KCNQ1: variants seen among roughly 807,000 people sequenced by gnomAD.
KCNQ1 encodes potassium voltage-gated channel subfamily KQT member 1.
In KCNQ1, 49 loss-of-function variants were observed where a neutral mutation model predicts 72.4. That is an observed-to-expected ratio of 0.68 (90% confidence interval 0.54 to 0.86). The LOEUF is 0.86. Among genes scored for constraint, KCNQ1 ranks in the 40% least tolerant of loss-of-function variants. The pLI is 0.00. For missense variants in KCNQ1, 790 were observed against 945.1 expected (o/e 0.84, Z 2.15); for synonymous variants, 450 against 412.6 (o/e 1.09, Z -1.10).
rs1177121708 is a variant in KCNQ1, at chr11:2,620,492, A to T, written c.1393+31638A>T. On this transcript the variant is annotated intron_variant, in intron 10 of 15. Transcript: ENST00000155840. This position sits in a 1 kb window ranked among gnomAD's most constrained non-coding sequence, Gnocchi z 4.5. ...TGGCCTCCCAAAGTGCTGGGATTAC[A>T]GGTGAGAGCTACCGCACCTGGCCGA... 4 of 360,368 alleles carry T rather than the reference A, an allele frequency of 1.1e-5. No homozygotes were observed. Among genetic ancestry groups the T allele is most frequent in the Non-Finnish European group, 1.5e-5 (3 of 202,968 alleles). 22.3% of individuals were successfully genotyped at this position (360,368 alleles called of 1,614,324 possible). A position where few individuals can be genotyped will look rare whatever the true frequency, so the allele number is the denominator to read the frequency against.
intron 11 of KCNQ1, among the ~76,000 whole-genome samples, chr11:2,757,355 G>C (rs115171868): frequency 6.6e-6 from 1 of 152,030 alleles, no homozygotes; most frequent in Non-Finnish European, 1.5e-5. Context: ...AAATACTTAG[G>C]TATAAATTTA....
At position 2,645,209 on chromosome 11, in the gene KCNQ1, C is replaced by T; in HGVS notation, c.1394-16752C>T. ...GCTGGGATAAGCTGGATGAGCTTGT[C>T]CCAAGGCCCACAGGTGGCAAATTCA... On this transcript the variant is annotated intron_variant, in intron 10 of 15. Transcript: ENST00000155840. The surrounding 1 kb of genome is among the most constrained non-coding windows in gnomAD (Gnocchi z 5.8). 5.0e-6 allele frequency: 2 copies of T among 398,614 alleles called. No homozygotes were observed. Among genetic ancestry groups the T allele is most frequent in the Non-Finnish European group, 8.8e-6 (2 of 226,114 alleles). 24.7% of individuals were successfully genotyped at this position (398,614 alleles called of 1,614,324 possible).
In KCNQ1 at chr11:2,803,932, G is replaced by C. The variant is rs536442426; in HGVS notation, c.1794+25895G>C. ...TGCCACCTGCTCCAGCCACCTGGCA[G>C]ATCCCACTCGGCTCACACAGAGCCT... is the stretch of plus-strand genomic sequence containing the variant. On this transcript the variant is annotated intron_variant, in intron 15 of 15. Transcript: ENST00000155840. This position sits in a 1 kb window ranked among gnomAD's most constrained non-coding sequence, Gnocchi z 6.4. Among the ~76,000 whole-genome samples the C allele has an allele frequency of 7.2e-5, 11 of 152,258 alleles. No individual in the cohort carries two copies. In the East Asian group the frequency reaches 2.1e-3, roughly 29 times the overall value.
In KCNQ1 at chr11:2,491,041, A is replaced by G. The variant is rs769721681; in HGVS notation, c.387-36887A>G. Among the ~76,000 whole-genome samples, 1 of 152,220 alleles carries G rather than the reference A, an allele frequency of 6.6e-6. No homozygotes were observed. The highest frequency in any genetic ancestry group is 2.4e-5 in the African/African-American group (1 of 41,460). ...ATTTTTATGAGTCTGCAAGAACCAC[A>G]GTGTTACTGGGCTTGGGATGCTGCC... is the stretch of plus-strand genomic sequence containing the variant. On this transcript the variant is annotated intron_variant, in intron 1 of 15. Coordinates refer to ENST00000155840, the MANE Select transcript of KCNQ1 (RefSeq NM_000218.3). This position sits in a 1 kb window ranked among gnomAD's most constrained non-coding sequence, Gnocchi z 4.1.
chr11:2,559,701 C>A lies in KCNQ1; in HGVS notation c.478-10927C>A, dbSNP rs927752944. On this transcript the variant is annotated intron_variant, in intron 2 of 15. Transcript: ENST00000155840. The surrounding 1 kb of genome is among the most constrained non-coding windows in gnomAD (Gnocchi z 4.9). ...TGGAGGGAAAGCGGCCTCGTGCCTC[C>A]CAGAGTCACCCCGAAATCATTAACG... 3.9e-5 allele frequency among the ~76,000 whole-genome samples: 6 copies of A among 152,144 alleles called. No homozygotes were observed. The highest frequency in any genetic ancestry group is 1.4e-4 in the African/African-American group (6 of 41,418).
At position 2,768,933 on chromosome 11, in the gene KCNQ1, T is replaced by C. The variant is rs11024034; in HGVS notation, c.1590+14T>C. 162,009 of 1,605,040 alleles carry C rather than the reference T, an allele frequency of 0.1. 9,080 individuals are homozygous for C. The highest frequency in any genetic ancestry group is 0.13 in the Middle Eastern group (743 of 5,848). On this transcript the variant is annotated intron_variant, in intron 12 of 15. Coordinates refer to ENST00000155840, the MANE Select transcript of KCNQ1 (RefSeq NM_000218.3). This position sits in a 1 kb window ranked among gnomAD's most constrained non-coding sequence, Gnocchi z 6.7. Reference sequence around the variant, plus strand: ...AAGAAATTCCAGGTAAGCCCTGTGCTGAGCCTTCCTGCCCTCAGCCTGCCC... The same window carrying C: ...AAGAAATTCCAGGTAAGCCCTGTGCCGAGCCTTCCTGCCCTCAGCCTGCCC...
rs531414733 is a variant in KCNQ1 at position 2,781,028 on chromosome 11, G to A, written c.1794+2991G>A. 6.1e-4 allele frequency among the ~76,000 whole-genome samples: 93 copies of A among 152,134 alleles called. No individual in the cohort carries two copies. Among genetic ancestry groups the A allele is most frequent in the Non-Finnish European group, 1.0e-3 (69 of 67,986 alleles). On this transcript the variant is annotated intron_variant, in intron 15 of 15. Coordinates refer to ENST00000155840, the MANE Select transcript of KCNQ1 (RefSeq NM_000218.3). The surrounding 1 kb of genome is among the most constrained non-coding windows in gnomAD (Gnocchi z 6.6). ...GGAGAGCAGAAACCCACCCACACCC[G>A]CAGATCCAGGGGCCTCCTCACAGCG...
At chr11:2,756,441 T>TAAAAAAAAAAAAA (rs59499292) in intron 11 of KCNQ1, among the ~76,000 whole-genome samples, 4 of 137,244 alleles carry the variant, frequency 2.9e-5, no homozygotes, top group Non-Finnish European at 3.2e-5. Context: ...TTACTAAAAT[T>TAAAAAAAAAAAAA]AAAAAAAAAA....
chr11:2,642,000 C>A (rs1242351101), intron 10 of KCNQ1: 1 of 398,342 alleles, frequency 2.5e-6, no homozygotes. Context: ...AGTTTTTATT[C>A]CAATACCATG....
At chr11:2,773,758 T>C (rs56182401) in intron 12 of KCNQ1, among the ~76,000 whole-genome samples, 22,372 of 142,934 alleles carry the variant, frequency 0.16, 1,726 homozygotes, top group Middle Eastern at 0.21. Flanking sequence ...TATCCCATCT[T>C]ACAGAAAGGA....
rs1302884118 is a variant in KCNQ1 at position 2,703,308 on chromosome 11, C to T, written c.1514+41227C>T. Among the ~76,000 whole-genome samples, 1 of 152,186 alleles carries T rather than the reference C, an allele frequency of 6.6e-6. No individual in the cohort carries two copies. The highest frequency in any genetic ancestry group is 1.5e-5 in the Non-Finnish European group (1 of 68,040). On this transcript the variant is annotated intron_variant, in intron 11 of 15. Coordinates refer to ENST00000155840, the MANE Select transcript of KCNQ1 (RefSeq NM_000218.3). This position sits in a 1 kb window ranked among gnomAD's most constrained non-coding sequence, Gnocchi z 6.4. ...GCAGGGGTGGGTGTGAGACAGAGAG[C>T]CTGGGCACCTGGTGGCCACTCCCTG...
intron 11 of KCNQ1, among the ~76,000 whole-genome samples, chr11:2,731,550 A>G (rs1381701074): frequency 1.3e-5 from 2 of 152,194 alleles, no homozygotes; most frequent in Non-Finnish European, 2.9e-5. Flanking sequence ...CACCCAGGAG[A>G]GGGCTTTCCT....
intron 11 of KCNQ1, among the ~76,000 whole-genome samples, chr11:2,741,942 G>A (rs1015301309): frequency 6.6e-5 from 10 of 152,294 alleles, no homozygotes; most frequent in East Asian, 1.9e-4. Flanking sequence ...CCCCAGCAGC[G>A]CCCCTCCTAT....
intron 11 of KCNQ1, chr11:2,675,735 C>T (rs1184314865): frequency 2.5e-6 from 1 of 398,594 alleles, no homozygotes; most frequent in Non-Finnish European, 4.4e-6. Context: ...CCCTGCTCCA[C>T]AGAGTGACAT....
chr11:2,480,813 C>A lies in KCNQ1; in HGVS notation c.386+35329C>A, dbSNP rs190522402. On this transcript the variant is annotated intron_variant, in intron 1 of 15. Transcript: ENST00000155840. ...TACCACATGGTTACAGAAGAGAACACCCTTATTCCTAAGAAATCCATGAGG... is the reference window on the plus strand; with the variant it reads ...TACCACATGGTTACAGAAGAGAACAACCTTATTCCTAAGAAATCCATGAGG... Among the ~76,000 whole-genome samples, 264 of 119,070 alleles carry A rather than the reference C, an allele frequency of 2.2e-3. 1 individual carries two copies. The highest frequency in any genetic ancestry group is 6.5e-3 in the Admixed American group (82 of 12,626). 78.1% of individuals were successfully genotyped at this position (119,070 alleles called of 152,430 possible). A position where few individuals can be genotyped will look rare whatever the true frequency, so the allele number is the denominator to read the frequency against.
intron 15 of KCNQ1, among the ~76,000 whole-genome samples, chr11:2,822,926 T>TAA (rs200997512): frequency 0.03 from 4,364 of 145,438 alleles, 191 homozygotes; most frequent in African/African-American, 0.099. Flanking sequence ...GCTGCTGAAT[T>TAA]AAAAAAAAAA....
intron 15 of KCNQ1, among the ~76,000 whole-genome samples, chr11:2,835,294 C>T (rs1383430045): frequency 1.2e-4 from 19 of 152,090 alleles, no homozygotes. Flanking sequence ...AGCCCTTTGG[C>T]CCCCAAGTCT....
rs753565331 is a variant in KCNQ1, at chr11:2,777,980, G to A, written c.1737G>A (p.Lys579=). ...KPSLFISVSE[K]SKDRGSNTIG... Reference sequence around the variant, plus strand: ...TGGGTGTTTTATCCCCCATAGAAAAGAGCAAGGATCGCGGCAGCAACACGA... The same window carrying A: ...TGGGTGTTTTATCCCCCATAGAAAAAAGCAAGGATCGCGGCAGCAACACGA... The change falls in exon 15 of 16, where the codon AAG becomes AAA. Residue 579 remains lysine (K), a synonymous_variant. Coordinates refer to ENST00000155840, the MANE Select transcript of KCNQ1 (RefSeq NM_000218.3). 1 of 1,613,882 alleles carries A rather than the reference G, an allele frequency of 6.2e-7. No individual in the cohort carries two copies. The highest frequency in any genetic ancestry group is 8.5e-7 in the Non-Finnish European group (1 of 1,180,020).
rs557799227 is a variant in KCNQ1 at position 2,572,193 on chromosome 11, G to C, written c.780+84G>C. Reference sequence around the variant, plus strand: ...AGCAGCCCACACTAGGACAGCTTGAGATGCGCTGAGGCCCCGGGGGCCGGT... The same window carrying C: ...AGCAGCCCACACTAGGACAGCTTGACATGCGCTGAGGCCCCGGGGGCCGGT... On this transcript the variant is annotated intron_variant, in intron 5 of 15. Transcript: ENST00000155840. The C allele has an allele frequency of 9.7e-6, 10 of 1,027,706 alleles. No individual in the cohort carries two copies. The East Asian group carries it at 2.3e-4, about 24-fold the overall frequency. The allele number at this position is 1,027,706 out of a possible 1,614,324, so 63.7% of individuals were successfully genotyped here.
Sources: allele counts gnomAD v4.1 joint callset (sites outside exome capture counted in the v4.1 genomes callset), GRCh38; gene constraint gnomAD v4.1.1; non-coding constraint Gnocchi (gnomAD v3.1); transcripts MANE v1.5; gene names NCBI Gene and HGNC (gene_info 2026-07-23, HGNC 2026-07-21).